SCHIP1: variants seen among roughly 807,000 people sequenced by gnomAD.
SCHIP1 encodes schwannomin interacting protein 1, also known as schwannomin-interacting protein 1.
In SCHIP1, 8 loss-of-function variants were observed where a neutral mutation model predicts 29.7. The ratio of observed to expected loss-of-function variants is 0.27; its 90% CI spans 0.16 to 0.49. SCHIP1 has a LOEUF of 0.49. SCHIP1 is among the 20% of genes least tolerant of loss of function. The pLI is 0.99. For synonymous variants in SCHIP1, 76 were observed against 94.9 expected (o/e 0.80, Z 1.16); for missense variants, 193 against 294.6 (o/e 0.66, Z 2.52).
the SCHIP1 span, among the ~76,000 whole-genome samples, chr3:159,516,777 C>T: frequency 2.0e-5 from 3 of 152,130 alleles, no homozygotes; most frequent in Admixed American, 6.6e-5. Context: ...GTCGTCCCTG[C>T]TGCATGTATC....
At chr3:159,493,495 G>A in the SCHIP1 span, among the ~76,000 whole-genome samples, 1 of 152,072 alleles carries the variant, frequency 6.6e-6, no homozygotes, top group South Asian at 2.1e-4. Context: ...AAGATCAAAA[G>A]AGACAAAGAA....
At chr3:159,553,094 A>C in the SCHIP1 span, among the ~76,000 whole-genome samples, 1 of 152,132 alleles carries the variant, frequency 6.6e-6, no homozygotes, top group Admixed American at 6.5e-5. Context: ...GTATTGTCAA[A>C]CCAAATAATT....
chr3:159,699,622 G>A, the SCHIP1 span, among the ~76,000 whole-genome samples: 3 of 152,198 alleles, frequency 2.0e-5, no homozygotes, highest in Non-Finnish European at 2.9e-5. Context: ...GGCAAGGATG[G>A]ATATGGGAAG....
the SCHIP1 span, among the ~76,000 whole-genome samples, chr3:159,315,135 G>C: frequency 6.6e-6 from 1 of 151,504 alleles, no homozygotes; most frequent in Non-Finnish European, 1.5e-5. Context: ...AAATGTATGA[G>C]AGTTATAGTT....
chr3:159,821,724 T>C, the SCHIP1 span, among the ~76,000 whole-genome samples: 1 of 152,248 alleles, frequency 6.6e-6, no homozygotes, highest in South Asian at 2.1e-4. Context: ...TTTTTTTTCT[T>C]TCCTTATTAA....
chr3:159,363,269 AAT>A, the SCHIP1 span, among the ~76,000 whole-genome samples: 23 of 150,386 alleles, frequency 1.5e-4, no homozygotes, highest in South Asian at 1.5e-3. Flanking sequence ...TTTAATAAGT[AAT>A]AGTTATTTTT....
At chr3:159,280,029 A>G in the SCHIP1 span, among the ~76,000 whole-genome samples, 1 of 152,302 alleles carries the variant, frequency 6.6e-6, no homozygotes, top group East Asian at 1.9e-4. Flanking sequence ...GAATTCAGGG[A>G]AGGGAATTTC....
chr3:159,519,939 G>T, the SCHIP1 span, among the ~76,000 whole-genome samples: 1 of 151,550 alleles, frequency 6.6e-6, no homozygotes, highest in Non-Finnish European at 1.5e-5. Flanking sequence ...GGGCCACCAC[G>T]TATAGTCGTA....
chr3:159,333,809 G>A, the SCHIP1 span, among the ~76,000 whole-genome samples: 1 of 142,748 alleles, frequency 7.0e-6, no homozygotes, highest in South Asian at 2.2e-4. Context: ...TTAAATTGGA[G>A]ACAGGAAGTA....
the SCHIP1 span, among the ~76,000 whole-genome samples, chr3:159,541,970 G>A: frequency 1.3e-5 from 2 of 152,072 alleles, no homozygotes; most frequent in Non-Finnish European, 2.9e-5. Flanking sequence ...ATGAAGTTCA[G>A]ATCTCTATGA....
chr3:159,352,538 G>A, the SCHIP1 span, among the ~76,000 whole-genome samples: 14 of 152,058 alleles, frequency 9.2e-5, no homozygotes, highest in South Asian at 1.0e-3. Flanking sequence ...AACTTTAATC[G>A]GATTTCACCA....
At chr3:159,389,977 A>G in the SCHIP1 span, among the ~76,000 whole-genome samples, 1 of 152,112 alleles carries the variant, frequency 6.6e-6, no homozygotes, top group Non-Finnish European at 1.5e-5. Context: ...GATAATCTCA[A>G]ACATAAAATT....
intron 1 of SCHIP1, among the ~76,000 whole-genome samples, chr3:159,859,976 GGTGTGTGT>G (rs35639147): frequency 1.3e-5 from 2 of 149,940 alleles, no homozygotes; most frequent in African/African-American, 4.9e-5. Context: ...TGTGTGACAG[GGTGTGTGT>G]GTGTGTGTGT....
chr3:159,484,543 G>T, the SCHIP1 span, among the ~76,000 whole-genome samples: 1 of 152,100 alleles, frequency 6.6e-6, no homozygotes. Flanking sequence ...TCATTATGTG[G>T]CAGGAGAGGA....
the SCHIP1 span, among the ~76,000 whole-genome samples, chr3:159,404,338 G>A: frequency 6.6e-6 from 1 of 152,140 alleles, no homozygotes; most frequent in Non-Finnish European, 1.5e-5. Flanking sequence ...CTCTTGGGAT[G>A]TCTGATTTCA....
chr3:159,488,320 G>T, the SCHIP1 span, among the ~76,000 whole-genome samples: 1 of 152,018 alleles, frequency 6.6e-6, no homozygotes, highest in African/African-American at 2.4e-5. Flanking sequence ...TTAAAATAAC[G>T]GAGAGTATAA....
At chr3:159,400,970 T>C in the SCHIP1 span, among the ~76,000 whole-genome samples, 1 of 152,204 alleles carries the variant, frequency 6.6e-6, no homozygotes, top group Admixed American at 6.5e-5. Flanking sequence ...ATGAACATAA[T>C]AATAGTATTT....
chr3:159,833,069 G>A, the SCHIP1 span, among the ~76,000 whole-genome samples: 2 of 152,166 alleles, frequency 1.3e-5, no homozygotes, highest in African/African-American at 4.8e-5. Flanking sequence ...CATCCGCTAG[G>A]GGTCTTGGAA....
chr3:159,850,983 G>A (rs944484892), intron 1 of SCHIP1, among the ~76,000 whole-genome samples: 2 of 152,154 alleles, frequency 1.3e-5, no homozygotes, highest in African/African-American at 2.4e-5. Context: ...ATCTTTAAAA[G>A]CTATGCTTGG....
Sources: allele counts gnomAD v4.1 joint callset (sites outside exome capture counted in the v4.1 genomes callset), GRCh38; gene constraint gnomAD v4.1.1; transcripts MANE v1.5; gene names NCBI Gene and HGNC (gene_info 2026-07-23, HGNC 2026-07-21).